Variants in SENP6 observed in about 807,000 individuals in gnomAD.
The protein encoded by SENP6 is SUMO specific peptidase 6, also known as sentrin-specific protease 6.
In SENP6, 41 loss-of-function variants were observed where a neutral mutation model predicts 134.5. The observed-to-expected ratio is 0.30, with a 90% CI of 0.24 to 0.40. The LOEUF (loss-of-function observed/expected upper bound fraction) is 0.40. Among genes scored for constraint, SENP6 ranks in the 10% least tolerant of loss-of-function variants. SENP6 has a pLI of 1.00. For missense variants in SENP6, 1,248 were observed against 1,312.5 expected, an observed-to-expected ratio of 0.95 and a Z score of 0.76; for synonymous variants, 395 against 429.8, an observed-to-expected ratio of 0.92 and a Z score of 1.00.
chr6:75,623,546 A>G (rs752308020), intron 2 of SENP6, among the ~76,000 whole-genome samples: 155 of 152,298 alleles, frequency 1.0e-3, no homozygotes, highest in Admixed American at 5.1e-3. Flanking sequence ...AATCTAAGAC[A>G]AAAAGGAAAA....
At chr6:75,649,054 C>G (rs1770665261) in intron 7 of SENP6, among the ~76,000 whole-genome samples, 1 of 152,070 alleles carries the variant, frequency 6.6e-6, no homozygotes, top group Non-Finnish European at 1.5e-5. Flanking sequence ...CACCTATAAT[C>G]CCAGCACTTT....
intron 9 of SENP6, among the ~76,000 whole-genome samples, chr6:75,664,667 TC>T (rs1480249282): frequency 2.0e-5 from 3 of 152,202 alleles, no homozygotes; most frequent in Non-Finnish European, 4.4e-5. Context: ...CAATATTTGT[TC>T]CTGAGACTGG....
intron 1 of SENP6, among the ~76,000 whole-genome samples, chr6:75,605,330 T>C (rs1169040291): frequency 1.3e-5 from 2 of 152,238 alleles, no homozygotes; most frequent in African/African-American, 2.4e-5. Context: ...ACTCTGCCTT[T>C]ATTTAGTCTT....
chr6:75,711,187 T>C lies in SENP6; in HGVS notation c.2821-141T>C, dbSNP rs144077299. 291 of 554,636 alleles carry C rather than the reference T, an allele frequency of 5.2e-4. No homozygotes were observed. The East Asian group carries it at 8.3e-3, about 16-fold the overall frequency. The allele number at this position is 554,636 out of a possible 1,614,324, so 34.4% of individuals were successfully genotyped here. A position where few individuals can be genotyped will look rare whatever the true frequency, so the allele number is the denominator to read the frequency against. The stretch of plus-strand genomic sequence containing the variant: ...AATTGGAATTAAGTAACATACCACA[T>C]CTCTAGTGTCTAATCACCTAAATAG... On this transcript the variant is annotated intron_variant, in intron 20 of 23. Coordinates refer to ENST00000447266, the MANE Select transcript of SENP6 (RefSeq NM_015571.4).
intron 7 of SENP6, among the ~76,000 whole-genome samples, chr6:75,648,344 A>AT (rs1469134382): frequency 6.6e-6 from 1 of 152,190 alleles, no homozygotes; most frequent in African/African-American, 2.4e-5. Context: ...ATATATCATC[A>AT]TAAAATCAGT....
intron 19 of SENP6, 50 bp downstream of exon 19, chr6:75,703,122 A>G: frequency 7.2e-7 from 1 of 1,389,942 alleles, no homozygotes; most frequent in Non-Finnish European, 9.8e-7. Flanking sequence ...AATAATCTGG[A>G]TTTTTTAATA....
chr6:75,662,620 A>G (rs1202330962), intron 8 of SENP6, among the ~76,000 whole-genome samples: 1 of 152,168 alleles, frequency 6.6e-6, no homozygotes, highest in African/African-American at 2.4e-5. Context: ...AGCATAGTGT[A>G]TCTGCATTTT....
At chr6:75,636,018 C>T (rs891311454) in intron 5 of SENP6, among the ~76,000 whole-genome samples, 5 of 151,940 alleles carry the variant, frequency 3.3e-5, no homozygotes, top group African/African-American at 1.2e-4. Flanking sequence ...GACCTATTTT[C>T]CATTCCTCAT....
intron 16 of SENP6, among the ~76,000 whole-genome samples, chr6:75,694,331 C>A (rs1470840581): frequency 6.6e-6 from 1 of 152,192 alleles, no homozygotes; most frequent in Non-Finnish European, 1.5e-5. Flanking sequence ...TGTACAAGTT[C>A]TTTCTCTTTA....
At chr6:75,608,635 A>G (rs912919231) in intron 1 of SENP6, among the ~76,000 whole-genome samples, 3 of 152,206 alleles carry the variant, frequency 2.0e-5, no homozygotes, top group African/African-American at 7.2e-5. Context: ...CTGAGGTTCA[A>G]CATCTGGCTT....
At chr6:75,658,994 AAAAAAAG>A (rs1405012369) in intron 7 of SENP6, among the ~76,000 whole-genome samples, 12 of 148,844 alleles carry the variant, frequency 8.1e-5, no homozygotes, top group Non-Finnish European at 1.2e-4. Context: ...AAAAAAAAAA[AAAAAAAG>A]GGGAATTGTG....
chr6:75,657,287 C>T (rs1771415765), intron 7 of SENP6, among the ~76,000 whole-genome samples: 1 of 152,144 alleles, frequency 6.6e-6, no homozygotes, highest in Non-Finnish European at 1.5e-5. Context: ...AAAATGTCTG[C>T]CTTCTTTTTA....
intron 1 of SENP6, among the ~76,000 whole-genome samples, chr6:75,605,994 G>A (rs1455352009): frequency 6.6e-6 from 1 of 152,156 alleles, no homozygotes; most frequent in African/African-American, 2.4e-5. Context: ...TTGATGAACT[G>A]TACATTGAGT....
At position 75,678,852 on chromosome 6, in the gene SENP6, C is replaced by G; in HGVS notation, c.2000C>G (p.Ser667Cys). 6.2e-7 allele frequency: 1 copy of G among 1,608,916 alleles called. No individual in the cohort carries two copies. The highest frequency in any genetic ancestry group is 1.1e-5 in the South Asian group (1 of 90,746). ...YPPPPAKGGI[S>C]VTNEDLHCLN... ...CCACCTCCAGCTAAGGGAGGCATCT[C>G]TGTTACCAATGAGGACCTGCACTGT... Residue 667 changes from serine to cysteine, a missense_variant, in exon 16 of 24, where the codon TCT (serine) becomes TGT (cysteine). This residue lies in a region of SENP6 where 129 missense variants were observed against 192.0 expected (regional missense o/e 0.67). Transcript: ENST00000447266.
At chr6:75,657,902 T>C (rs563354840) in intron 7 of SENP6, among the ~76,000 whole-genome samples, 1 of 152,230 alleles carries the variant, frequency 6.6e-6, no homozygotes, top group Admixed American at 6.5e-5. Context: ...ATGAACCTTT[T>C]TGAGGTAAAG....
intron 19 of SENP6, among the ~76,000 whole-genome samples, chr6:75,704,764 G>T (rs998270733): frequency 6.6e-6 from 1 of 152,224 alleles, no homozygotes; most frequent in Non-Finnish European, 1.5e-5. Context: ...TTCCAGGGCA[G>T]AGGTCCCTGC....
intron 1 of SENP6, among the ~76,000 whole-genome samples, chr6:75,614,661 A>C (rs182728478): frequency 6.6e-6 from 1 of 152,314 alleles, no homozygotes; most frequent in East Asian, 1.9e-4. Flanking sequence ...CCACTGGTTC[A>C]GCATCCATTG....
intron 3 of SENP6, among the ~76,000 whole-genome samples, chr6:75,628,287 GAT>G (rs879487812): frequency 3.4e-4 from 52 of 152,090 alleles, no homozygotes; most frequent in Non-Finnish European, 6.0e-4. Context: ...CTTTAATAGA[GAT>G]ATCCTTCACT....
intron 13 of SENP6, among the ~76,000 whole-genome samples, chr6:75,676,447 A>G (rs1773090857): frequency 6.6e-6 from 1 of 152,160 alleles, no homozygotes; most frequent in Admixed American, 6.5e-5. Flanking sequence ...AGTTCCTAAA[A>G]TGGGCCTTAA....
Sources: gnomAD v4.1 joint callset for allele counts (sites outside exome capture counted in the v4.1 genomes callset) on GRCh38, gnomAD v4.1.1 for gene constraint, gnomAD v4.1.1 regional missense constraint, MANE v1.5 for transcripts, NCBI Gene and HGNC (gene_info 2026-07-23, HGNC 2026-07-21) for gene names.